The following COL1A1 variants were observed in gnomAD, a reference collection of about 807,000 sequenced individuals.
COL1A1 encodes the protein collagen alpha-1(I) chain.
A neutral mutation model predicts 195.7 loss-of-function variants in COL1A1; 21 were observed. The ratio of observed to expected loss-of-function variants is 0.11; its 90% CI spans 0.08 to 0.15. COL1A1 has a LOEUF of 0.15. Among genes scored for constraint, COL1A1 ranks in the 10% least tolerant of loss-of-function variants. The pLI is 1.00. For missense variants in COL1A1, 1,365 were observed against 2,051.0 expected, an observed-to-expected ratio of 0.67 and a Z score of 6.46; for synonymous variants, 749 against 747.3, an observed-to-expected ratio of 1.00 and a Z score of -0.04.
In COL1A1 at chr17:50,195,754, A is replaced by G. The variant is rs1454546656; in HGVS notation, c.1057-89T>C. ...GGCAGGAGGAAGGGGAGACAGGGAC[A>G]GGAGAGCAATGATCAGGACTCTAAG... is the stretch of plus-strand genomic sequence containing the variant. On this transcript the variant is annotated intron_variant, in intron 16 of 50. Coordinates refer to ENST00000225964, the MANE Select transcript of COL1A1 (RefSeq NM_000088.4). The surrounding 1 kb of genome is among the most constrained non-coding windows in gnomAD (Gnocchi z 4.3). 1.7e-5 allele frequency: 24 copies of G among 1,406,004 alleles called. 1 individual carries two copies. In the South Asian group the frequency reaches 2.2e-4, roughly 13 times the overall value. 87.1% of individuals were successfully genotyped at this position (1,406,004 alleles called of 1,614,324 possible). A position where few individuals can be genotyped will look rare whatever the true frequency, so the allele number is the denominator to read the frequency against.
rs745829877 is a variant in COL1A1 at position 50,191,962 on chromosome 17, C to T, written c.2028+18G>A. ...GTACGACGCACCTTGACGGATGCAG[C>T]GAGAGAGGCCTACTTACTCTTGCTC... On this transcript the variant is annotated intron_variant, in intron 30 of 50. Coordinates refer to ENST00000225964, the MANE Select transcript of COL1A1 (RefSeq NM_000088.4). 2.6e-5 allele frequency: 42 copies of T among 1,611,530 alleles called. No homozygotes were observed. Among genetic ancestry groups the T allele is most frequent in the African/African-American group, 9.4e-5 (7 of 74,766 alleles).
chr17:50,191,051 C>A (rs1289084622), intron 32 of COL1A1, 127 bp from the exon 33 acceptor site: 1 of 906,174 alleles, frequency 1.1e-6, no homozygotes, highest in Non-Finnish European at 1.8e-6. Context: ...GGGCCAAGGA[C>A]TCAAAGATTC....
rs1175987778 is a variant in COL1A1, at chr17:50,199,798, C to T, written c.253G>A (p.Glu85Lys). 6.2e-7 allele frequency: 1 copy of T among 1,613,848 alleles called. No homozygotes were observed. ...CDETKNCPGA[E>K]VPEGECCPVC... ...GGACAGCACTCGCCCTCGGGGACTT[C>T]GGCGCCGGGGCAGTTCTTGGTCTCG... The change falls in exon 2 of 51, where the codon GAA becomes AAA. Residue 85 changes from glutamate (E) to lysine (K), a missense_variant. Around this residue, in one of 5 missense-constraint regions of COL1A1, gnomAD observed 194 missense variants for 221.7 expected, o/e 0.88. Coordinates refer to ENST00000225964, the MANE Select transcript of COL1A1 (RefSeq NM_000088.4).
At position 50,189,478 on chromosome 17, in the gene COL1A1, G is replaced by A. The variant is rs886440452; in HGVS notation, c.2728C>T (p.Arg910Cys). Residue 910 changes from arginine (R) to cysteine (C), a missense_variant, in exon 39 of 51, where the codon CGT becomes TGT. Physicochemically the swap from Arg to Cys is radical, Grantham distance 180. Coordinates refer to ENST00000225964, the MANE Select transcript of COL1A1 (RefSeq NM_000088.4). The surrounding 1 kb of genome is among the most constrained non-coding windows in gnomAD (Gnocchi z 5.5). ...PAGKEGGKGP[R>C]GETGPAGRPG... is the part of the protein sequence containing the mutation. Reference sequence around the variant, plus strand: ...CGTCCAGCAGGGCCAGTCTCACCACGGGGACCTTTGCCGCCTTCTTTGCCA... The same window carrying A: ...CGTCCAGCAGGGCCAGTCTCACCACAGGGACCTTTGCCGCCTTCTTTGCCA... The A allele has an allele frequency of 1.9e-5, 31 of 1,613,528 alleles. No individual in the cohort carries two copies. The highest frequency in any genetic ancestry group is 5.4e-5 in the African/African-American group (4 of 74,760).
At position 50,188,159 on chromosome 17, in the gene COL1A1, G is replaced by A; in HGVS notation, c.3208-10C>T. 6.5e-7 allele frequency: 1 copy of A among 1,548,318 alleles called. No individual in the cohort carries two copies. Among genetic ancestry groups the A allele is most frequent in the East Asian group, 2.4e-5 (1 of 41,250 alleles). On this transcript the variant is annotated splice_polypyrimidine_tract_variant and intron_variant, in intron 43 of 50. Coordinates refer to ENST00000225964, the MANE Select transcript of COL1A1 (RefSeq NM_000088.4). The surrounding 1 kb of genome is among the most constrained non-coding windows in gnomAD (Gnocchi z 5.6). The stretch of plus-strand genomic sequence containing the variant: ...CGGGACCAGCAGGACCCTGGGGAGA[G>A]CAAGGAAAGCATGAGCTCTTGGCCA...
At chr17:50,187,377 C>T (rs1906647237) in intron 46 of COL1A1, 107 bp downstream of exon 46, 1 of 1,170,918 alleles carries the variant, frequency 8.5e-7, no homozygotes, top group South Asian at 1.3e-5. Context: ...CTCCCTGTCC[C>T]TGAACCCTTC....
At position 50,191,432 on chromosome 17, in the gene COL1A1, A is replaced by G; in HGVS notation, c.2186T>C (p.Met729Thr). ...GSQGAPGLQGMPGERGAAGLP... is the reference protein window; with the variant it reads ...GSQGAPGLQGTPGERGAAGLP... ...ACCAGCTGCACCACGTTCACCAGGC[A>G]TTCCCTGAAGGCCAGGGGCGCCCTG... is the stretch of plus-strand genomic sequence containing the variant. The change falls in exon 32 of 51, where the codon ATG becomes ACG. Residue 729 changes from methionine (M) to threonine (T), a missense_variant. By Grantham distance (81) the Met-to-Thr change is moderately conservative. This residue lies in a region of COL1A1 where 671 missense variants were observed against 1,099.9 expected (regional missense o/e 0.61). Coordinates refer to ENST00000225964, the MANE Select transcript of COL1A1 (RefSeq NM_000088.4). The G allele has an allele frequency of 1.2e-6, 2 of 1,614,016 alleles. No individual in the cohort carries two copies. The highest frequency in any genetic ancestry group is 1.7e-6 in the Non-Finnish European group (2 of 1,179,950).
Position 50,199,255 on chromosome 17 carries a change from CG to C in COL1A1, c.441del (p.Gly148AspfsTer117), listed in dbSNP as rs1473458290. 3.4e-6 allele frequency: 5 copies of C among 1,481,058 alleles called. No homozygotes were observed. Among genetic ancestry groups the C allele is most frequent in the South Asian group, 2.7e-5 (2 of 75,286 alleles). 91.7% of individuals were successfully genotyped at this position (1,481,058 alleles called of 1,614,324 possible). On this transcript the variant is annotated frameshift_variant, in exon 5 of 51. Coordinates refer to ENST00000225964, the MANE Select transcript of COL1A1 (RefSeq NM_000088.4). LOFTEE classifies it high-confidence loss of function. ...CCGAGGCCAGGGGGTCCGGGAGGTC[CG>C]GGGGGTCCGGGGGGTCCGGGAAGTC... ...QPGLPGPPGP[P>X]GPPGPPGLGG...
chr17:50,199,802 G>A lies in COL1A1; in HGVS notation c.249C>T (p.Gly83=). 2 of 1,613,946 alleles carry A rather than the reference G, an allele frequency of 1.2e-6. No homozygotes were observed. Among genetic ancestry groups the A allele is most frequent in the Non-Finnish European group, 1.7e-6 (2 of 1,180,010 alleles). ...AGCACTCGCCCTCGGGGACTTCGGCGCCGGGGCAGTTCTTGGTCTCGTCAC... is the reference window on the plus strand; with the variant it reads ...AGCACTCGCCCTCGGGGACTTCGGCACCGGGGCAGTTCTTGGTCTCGTCAC... ...VICDETKNCP[G]AEVPEGECCP... The change falls in exon 2 of 51, where the codon GGC becomes GGT. Residue 83 remains glycine, a synonymous_variant. Coordinates refer to ENST00000225964, the MANE Select transcript of COL1A1 (RefSeq NM_000088.4).
rs1300109862 is a variant in COL1A1 at position 50,201,529 on chromosome 17, A to C, written c.-16T>G. 2.1e-5 allele frequency: 34 copies of C among 1,605,270 alleles called. No individual in the cohort carries two copies. Among genetic ancestry groups the C allele is most frequent in the Non-Finnish European group, 2.8e-5 (33 of 1,176,796 alleles). ...AGCTGAACATGTCTAGACCCTAGAC[A>C]TGTAGACTCTTTGTGGCTGGGGAGG... On this transcript the variant is annotated 5_prime_UTR_variant, in exon 1 of 51. An upstream start codon of the reference 5' UTR is lost. Coordinates refer to ENST00000225964, the MANE Select transcript of COL1A1 (RefSeq NM_000088.4).
chr17:50,196,168 G>A lies in COL1A1; in HGVS notation c.989C>T (p.Ala330Val), dbSNP rs1435842577. Residue 330 changes from alanine to valine, a missense_variant, in exon 15 of 51, where the codon GCT (alanine) becomes GTT (valine). Transcript: ENST00000225964. ...GARGNDGATG[A>V]AGPPGPTGPA... ...GGCCACACTCACAGGGGGCCCGGCA[G>A]CACCAGTAGCACCATCATTTCCACG... is the stretch of plus-strand genomic sequence containing the variant. 1 of 1,614,070 alleles carries A rather than the reference G, an allele frequency of 6.2e-7. No homozygotes were observed. The highest frequency in any genetic ancestry group is 8.5e-7 in the Non-Finnish European group (1 of 1,179,976).
chr17:50,199,558 C>T lies in COL1A1; in HGVS notation c.331G>A (p.Glu111Lys), dbSNP rs772473313. The change falls in exon 3 of 51, where the codon GAG (glutamate) becomes AAG (lysine). Residue 111 changes from glutamate to lysine, a missense_variant and splice_region_variant. Physicochemically the swap from Glu to Lys is moderately conservative, Grantham distance 56 (BLOSUM62 1). Transcript: ENST00000225964. ...AAAATTCGAGGGCAGGAGATTACCT[C>T]GACGCCGGTGGTTTCTTGGTCGGTG... ...SPTDQETTGVEGPKGDTGPRG... is the reference protein window; with the variant it reads ...SPTDQETTGVKGPKGDTGPRG... 3.1e-6 allele frequency: 5 copies of T among 1,614,172 alleles called. No individual in the cohort carries two copies. The highest frequency in any genetic ancestry group is 4.2e-6 in the Non-Finnish European group (5 of 1,180,000).
At chr17:50,193,129 G>T in intron 25 of COL1A1, 82 bp from the exon 26 acceptor site, 1 of 1,378,032 alleles carries the variant, frequency 7.3e-7, no homozygotes, top group South Asian at 1.2e-5. Context: ...CTCTGAGTGG[G>T]ACTTTTTAAG....
Position 50,195,794 on chromosome 17 carries a change from A to C in COL1A1, c.1056+129T>G, listed in dbSNP as rs2586494. 0.84 allele frequency: 1,126,281 copies of C among 1,334,520 alleles called. 479,815 individuals are homozygous for C. Among genetic ancestry groups the C allele is most frequent in the Non-Finnish European group, 0.87 (830,037 of 949,820 alleles). The allele number at this position is 1,334,520 out of a possible 1,614,324, so 82.7% of individuals were successfully genotyped here. ...AGGACTCTAAGATCAGAGACGGAGA[A>C]CCCAGGACAAAGGTGTTAGTGAACG... On this transcript the variant is annotated intron_variant, in intron 16 of 50. Coordinates refer to ENST00000225964, the MANE Select transcript of COL1A1 (RefSeq NM_000088.4). This position sits in a 1 kb window ranked among gnomAD's most constrained non-coding sequence, Gnocchi z 4.3.
In COL1A1 at chr17:50,186,366, T is replaced by C. The variant is rs762734680; in HGVS notation, c.3956A>G (p.Lys1319Arg). Residue 1319 changes from lysine (K) to arginine (R), a missense_variant, in exon 49 of 51, where the codon AAG becomes AGG. Around this residue, in one of 5 missense-constraint regions of COL1A1, gnomAD observed 273 missense variants for 338.6 expected, o/e 0.81. Coordinates refer to ENST00000225964, the MANE Select transcript of COL1A1 (RefSeq NM_000088.4). The surrounding 1 kb of genome is among the most constrained non-coding windows in gnomAD (Gnocchi z 5.3). ...GCCGAACCAGACATGCCTCTTGTCC[T>C]TGGGGTTCTTGCTGATGTACCAGTT... ...QKNWYISKNPKDKRHVWFGES... is the reference protein window; with the variant it reads ...QKNWYISKNPRDKRHVWFGES... 1 of 1,614,238 alleles carries C rather than the reference T, an allele frequency of 6.2e-7. No homozygotes were observed.
chr17:50,200,720 C>G (rs1431035718), intron 1 of COL1A1, among the ~76,000 whole-genome samples: 1 of 152,250 alleles, frequency 6.6e-6, no homozygotes, highest in Non-Finnish European at 1.5e-5. Context: ...CCGACCTCAC[C>G]GGCCCGACTA....
rs1598288180 is a variant in COL1A1, at chr17:50,188,696, G to A, written c.3099+46C>T. ...CCGGGTGAAGGGCCAGGATGGGGCA[G>A]GGAAGCAGCAGACAAGGCTGTGGTC... On this transcript the variant is annotated intron_variant, in intron 42 of 50. Coordinates refer to ENST00000225964, the MANE Select transcript of COL1A1 (RefSeq NM_000088.4). The surrounding 1 kb of genome is among the most constrained non-coding windows in gnomAD (Gnocchi z 5.6). 6.2e-7 allele frequency: 1 copy of A among 1,613,664 alleles called. No individual in the cohort carries two copies.
Position 50,189,241 on chromosome 17 carries a change from G to A in COL1A1, c.2864C>T (p.Ala955Val), listed in dbSNP as rs1906849491. ...APGTPGPQGI[A>V]GQRGVVGLPG... ...CAGGCCGACCACACCACGCTGTCCA[G>A]CAATACCTTGAGGCCCGGGAGTACC... is the stretch of plus-strand genomic sequence containing the variant. Residue 955 changes from alanine to valine, a missense_variant, in exon 40 of 51, where the codon GCT becomes GTT. Physicochemically the swap from Ala to Val is moderately conservative, Grantham distance 64. Coordinates refer to ENST00000225964, the MANE Select transcript of COL1A1 (RefSeq NM_000088.4). The surrounding 1 kb of genome is among the most constrained non-coding windows in gnomAD (Gnocchi z 5.5). The A allele has an allele frequency of 6.2e-7, 1 of 1,613,992 alleles. No individual in the cohort carries two copies. Among genetic ancestry groups the A allele is most frequent in the African/African-American group, 1.3e-5 (1 of 74,992 alleles).
chr17:50,195,120 G>T lies in COL1A1; in HGVS notation c.1300-20C>A. The stretch of plus-strand genomic sequence containing the variant: ...TTCACCCTGCAAGGGGGGAGAAGAG[G>T]ATGAGCTGAGAGTCGGGGGCGCTCA... On this transcript the variant is annotated intron_variant, in intron 19 of 50. Coordinates refer to ENST00000225964, the MANE Select transcript of COL1A1 (RefSeq NM_000088.4). This position sits in a 1 kb window ranked among gnomAD's most constrained non-coding sequence, Gnocchi z 4.3. 6.2e-7 allele frequency: 1 copy of T among 1,613,454 alleles called. No homozygotes were observed. Among genetic ancestry groups the T allele is most frequent in the South Asian group, 1.1e-5 (1 of 91,074 alleles).
Sources: gnomAD v4.1 joint callset for allele counts (sites outside exome capture counted in the v4.1 genomes callset) on GRCh38, gnomAD v4.1.1 for gene constraint, gnomAD v4.1.1 regional missense constraint, Gnocchi (gnomAD v3.1) non-coding constraint, MANE v1.5 for transcripts, NCBI Gene and HGNC (gene_info 2026-07-23, HGNC 2026-07-21) for gene names.